Variants in ANKRD11 observed in about 807,000 individuals in gnomAD.
The protein encoded by ANKRD11 is ankyrin repeat domain 11.
In ANKRD11, 17 loss-of-function variants were observed where a neutral mutation model predicts 195.7. The observed-to-expected ratio is 0.09, with a 90% CI of 0.06 to 0.13. ANKRD11 has a LOEUF of 0.13. ANKRD11 is among the 10% of genes least tolerant of loss of function. The pLI, the probability that ANKRD11 is intolerant of heterozygous loss-of-function variation, is 1.00. For missense variants in ANKRD11, 3,735 were observed against 3,566.1 expected (o/e 1.05, Z -1.21); for synonymous variants, 1,953 against 1,528.1 (o/e 1.28, Z -6.49).
chr16:89,388,377 G>A (rs895191836), intron 2 of ANKRD11, among the ~76,000 whole-genome samples: 4 of 143,210 alleles, frequency 2.8e-5, no homozygotes, highest in East Asian at 2.2e-4. Context: ...TGATCTGCCC[G>A]CCTTGGCCTC....
At chr16:89,448,235 T>C (rs975708694) in intron 1 of ANKRD11, among the ~76,000 whole-genome samples, 12 of 152,202 alleles carry the variant, frequency 7.9e-5, no homozygotes, top group African/African-American at 2.4e-4. Context: ...GTAAGACTGA[T>C]AGGTGATGTT....
At chr16:89,334,557 C>T (rs771268088) in intron 2 of ANKRD11, among the ~76,000 whole-genome samples, 36 of 152,160 alleles carry the variant, frequency 2.4e-4, no homozygotes, top group South Asian at 6.2e-4. Context: ...AGTGGGCATG[C>T]GGCATGCTAT....
At chr16:89,467,100 C>T (rs1287630206) in intron 1 of ANKRD11, among the ~76,000 whole-genome samples, 1 of 152,140 alleles carries the variant, frequency 6.6e-6, no homozygotes, top group African/African-American at 2.4e-5. Context: ...GAGAAAAAGA[C>T]CACATAATCT....
At chr16:89,359,039 C>G (rs755597654) in intron 2 of ANKRD11, among the ~76,000 whole-genome samples, 1 of 152,070 alleles carries the variant, frequency 6.6e-6, no homozygotes, top group African/African-American at 2.4e-5. Context: ...TTATATATGT[C>G]TAAATCGTCA....
chr16:89,281,886 A>T lies in ANKRD11; in HGVS notation c.4656T>A (p.Asn1552Lys). Residue 1552 changes from asparagine (N) to lysine (K), a missense_variant, in exon 9 of 13, where the codon AAT (asparagine) becomes AAA (lysine). Asn to Lys is a moderately conservative substitution (Grantham distance 94). Transcript: ENST00000301030. This position sits in a 1 kb window ranked among gnomAD's most constrained non-coding sequence, Gnocchi z 5.5. ...GGTCTTTGGATGGCGCTACCTTATC[A>T]TTCCCGTTGCTCATCTTCACTGGGT... ...KGDPVKMSNG[N>K]DKVAPSKDPG... 6.2e-7 allele frequency: 1 copy of T among 1,613,744 alleles called. No individual in the cohort carries two copies. Among genetic ancestry groups the T allele is most frequent in the Non-Finnish European group, 8.5e-7 (1 of 1,179,996 alleles).
intron 2 of ANKRD11, among the ~76,000 whole-genome samples, chr16:89,344,734 C>T (rs953743421): frequency 5.4e-5 from 8 of 147,500 alleles, no homozygotes; most frequent in African/African-American, 2.1e-4. Context: ...CACGAGGGCA[C>T]GGGAGCACAG....
At chr16:89,412,624 C>T (rs2042145486) in intron 2 of ANKRD11, 2 of 152,092 alleles carry the variant, frequency 1.3e-5, no homozygotes, top group Non-Finnish European at 2.9e-5. Flanking sequence ...CCATAAAGTT[C>T]ACTTCAATTT....
Position 89,285,582 on chromosome 16 carries a change from G to A in ANKRD11, c.960C>T (p.Asp320=). ...GCTTGAGGCCTTTTTCGAACTCGGA[G>A]TCCGTGTTGTTGCCGTCGACTGAAC... ...PSSSVDGNNT[D]SEFEKGLKHK... The change falls in exon 9 of 13, where the codon GAC becomes GAT. Residue 320 remains aspartate, a synonymous_variant. Transcript: ENST00000301030. This position sits in a 1 kb window ranked among gnomAD's most constrained non-coding sequence, Gnocchi z 5.6. The A allele has an allele frequency of 6.2e-7, 1 of 1,614,190 alleles. No homozygotes were observed. Among genetic ancestry groups the A allele is most frequent in the Non-Finnish European group, 8.5e-7 (1 of 1,180,042 alleles).
rs113621769 is a variant in ANKRD11, at chr16:89,279,279, G to A, written c.7263C>T (p.Ala2421=). ...AGGGCTCGATGGCATCCAGCTTGAT[G>A]GCGTCCACGATGGCGGCCAGCGTCT... ...IQQTLAAIVD[A]IKLDAIEPYH... The change falls in exon 9 of 13, where the codon GCC becomes GCT. Residue 2421 remains alanine (A), a synonymous_variant. Coordinates refer to ENST00000301030, the MANE Select transcript of ANKRD11 (RefSeq NM_013275.6). The surrounding 1 kb of genome is among the most constrained non-coding windows in gnomAD (Gnocchi z 5.6). 1.6e-5 allele frequency: 25 copies of A among 1,611,722 alleles called. No individual in the cohort carries two copies. The African/African-American group carries it at 2.1e-4, about 14-fold the overall frequency.
At position 89,281,911 on chromosome 16, in the gene ANKRD11, T is replaced by C; in HGVS notation, c.4631A>G (p.Asp1544Gly). 6.2e-7 allele frequency: 1 copy of C among 1,613,450 alleles called. No homozygotes were observed. The highest frequency in any genetic ancestry group is 1.3e-5 in the African/African-American group (1 of 75,044). ...FKDGAEKEKG[D>G]PVKMSNGNDK... is the part of the protein sequence containing the mutation. Reference sequence around the variant, plus strand: ...ATTCCCGTTGCTCATCTTCACTGGGTCGCCCTTTTCTTTCTCTGCACCGTC... The same window carrying C: ...ATTCCCGTTGCTCATCTTCACTGGGCCGCCCTTTTCTTTCTCTGCACCGTC... Residue 1544 changes from aspartate to glycine, a missense_variant, in exon 9 of 13, where the codon GAC becomes GGC. Physicochemically the swap from Asp to Gly is moderately conservative, Grantham distance 94. Transcript: ENST00000301030. The surrounding 1 kb of genome is among the most constrained non-coding windows in gnomAD (Gnocchi z 5.5).
chr16:89,366,390 T>TA (rs2152069693), intron 2 of ANKRD11, among the ~76,000 whole-genome samples: 1 of 152,320 alleles, frequency 6.6e-6, no homozygotes, highest in Admixed American at 6.5e-5. Context: ...TTTTAGCTCT[T>TA]AGAGGAATCG....
At chr16:89,337,208 G>A (rs946756072) in intron 2 of ANKRD11, among the ~76,000 whole-genome samples, 5 of 151,294 alleles carry the variant, frequency 3.3e-5, no homozygotes, top group African/African-American at 1.2e-4. Flanking sequence ...ACAAAAAACT[G>A]CAAATTAAAA....
At chr16:89,446,959 C>G (rs1196622942) in intron 1 of ANKRD11, among the ~76,000 whole-genome samples, 1 of 152,140 alleles carries the variant, frequency 6.6e-6, no homozygotes, top group African/African-American at 2.4e-5. Flanking sequence ...CACCAAGTGC[C>G]TCACGGGCCA....
intron 2 of ANKRD11, among the ~76,000 whole-genome samples, chr16:89,334,706 T>C (rs968621167): frequency 2.0e-5 from 3 of 152,054 alleles, no homozygotes; most frequent in African/African-American, 7.2e-5. Context: ...ACCCCAGGGA[T>C]GAGCAGCACA....
intron 2 of ANKRD11, among the ~76,000 whole-genome samples, chr16:89,362,778 T>C (rs1567701170): frequency 6.6e-6 from 1 of 152,218 alleles, no homozygotes; most frequent in East Asian, 1.9e-4. Flanking sequence ...TCACGGCCTG[T>C]TCCTCTTCCT....
intron 2 of ANKRD11, among the ~76,000 whole-genome samples, chr16:89,405,411 C>T (rs1020828207): frequency 1.3e-5 from 2 of 151,886 alleles, no homozygotes; most frequent in Admixed American, 1.3e-4. Context: ...GTAGCCTCGA[C>T]CTCCTGGGCT....
intron 2 of ANKRD11, among the ~76,000 whole-genome samples, chr16:89,326,878 C>T (rs936739759): frequency 2.0e-5 from 3 of 152,224 alleles, no homozygotes; most frequent in Non-Finnish European, 2.9e-5. Context: ...TGGTGGCATC[C>T]GGGCACATCT....
intron 2 of ANKRD11, among the ~76,000 whole-genome samples, chr16:89,413,072 G>A (rs988731021): frequency 6.6e-6 from 1 of 152,186 alleles, no homozygotes; most frequent in African/African-American, 2.4e-5. Context: ...TGGAGGGGGA[G>A]GGAGTAGGAG....
chr16:89,330,657 TGGGGGGGGGGG>T (rs71134204), intron 2 of ANKRD11, among the ~76,000 whole-genome samples: 1 of 5,076 alleles, frequency 2.0e-4, no homozygotes, highest in Non-Finnish European at 3.7e-4. Context: ...GTACAGTGAC[TGGGGGGGGGGG>T]GGGGGGGCGG....
Sources: gnomAD v4.1 joint callset for allele counts (sites outside exome capture counted in the v4.1 genomes callset) on GRCh38, gnomAD v4.1.1 for gene constraint, Gnocchi (gnomAD v3.1) non-coding constraint, MANE v1.5 for transcripts, NCBI Gene and HGNC (gene_info 2026-07-23, HGNC 2026-07-21) for gene names.